MAP7D2: variants seen among roughly 807,000 people sequenced by gnomAD.
MAP7D2 encodes the protein MAP7 domain-containing protein 2.
A neutral mutation model predicts 63.5 loss-of-function variants in MAP7D2; 33 were observed. The observed-to-expected ratio is 0.52, with a 90% CI of 0.39 to 0.70. MAP7D2 has a LOEUF of 0.70. MAP7D2 is among the 30% of genes least tolerant of loss of function. The pLI is 0.00. For missense variants in MAP7D2, 626 were observed against 604.0 expected, an observed-to-expected ratio of 1.04 and a Z score of -0.38; for synonymous variants, 224 against 223.7, an observed-to-expected ratio of 1.00 and a Z score of -0.01.
At chrX:20,023,953 G>C (rs1305359282) in intron 10 of MAP7D2, among the ~76,000 whole-genome samples, 3 of 111,953 alleles carry the variant, frequency 2.7e-5, no homozygotes, top group Non-Finnish European at 5.6e-5. Flanking sequence ...CTACCCCACT[G>C]TCCCTTTTAA....
chrX:20,099,235 ACT>A (rs72039188), intron 1 of MAP7D2, among the ~76,000 whole-genome samples: 4,705 of 93,532 alleles, frequency 0.05, 264 homozygotes, highest in African/African-American at 0.15. Flanking sequence ...GCAAGTTTAT[ACT>A]CTCTCTCTCT....
rs72039188 is a variant in MAP7D2 at position 20,099,235 on chromosome X, A to ACTCT, written c.130+17511_130+17514dup. On this transcript the variant is annotated intron_variant, in intron 1 of 16. Coordinates refer to ENST00000379643, the MANE Select transcript of MAP7D2 (RefSeq NM_001168465.2). Reference sequence around the variant, plus strand: ...GTCCTCTGCCACACTGCAAGTTTATACTCTCTCTCTCTCTCTCTCTCTCTC... The same window carrying ACTCT: ...GTCCTCTGCCACACTGCAAGTTTATACTCTCTCTCTCTCTCTCTCTCTCTCTCTC... Among the ~76,000 whole-genome samples the ACTCT allele has an allele frequency of 1.4e-4, 13 of 93,655 alleles. 1 individual carries two copies. The highest frequency in any genetic ancestry group is 1.7e-4 in the Non-Finnish European group (8 of 47,348). 81.3% of individuals were successfully genotyped at this position (93,655 alleles called of 115,157 possible).
chrX:20,018,803 G>T (rs769769554), intron 10 of MAP7D2, among the ~76,000 whole-genome samples: 2 of 110,796 alleles, frequency 1.8e-5, no homozygotes, highest in African/African-American at 6.6e-5. Context: ...CCTAAAGTAG[G>T]TAAAATTCAA....
chrX:20,014,110 G>A (rs1421342763), intron 12 of MAP7D2, among the ~76,000 whole-genome samples: 2 of 112,387 alleles, frequency 1.8e-5, no homozygotes, highest in African/African-American at 6.5e-5. Flanking sequence ...TTACCCATAA[G>A]TATAGTTAGT....
Position 20,107,528 on chromosome X carries a change from G to A in MAP7D2, c.130+9222C>T, listed in dbSNP as rs1487454202. ...AGAGGTTGCAGTGAGCCAAGATCAC[G>A]CCACCGCACTCCAGCCTGGGGGATA... is the stretch of plus-strand genomic sequence containing the variant. On this transcript the variant is annotated intron_variant, in intron 1 of 16. Coordinates refer to ENST00000379643, the MANE Select transcript of MAP7D2 (RefSeq NM_001168465.2). Among the ~76,000 whole-genome samples, 9 of 111,011 alleles carry A rather than the reference G, an allele frequency of 8.1e-5. No individual in the cohort carries two copies. The East Asian group carries it at 8.4e-4, about 10-fold the overall frequency.
chrX:20,050,836 C>A lies in MAP7D2; in HGVS notation c.706G>T (p.Ala236Ser). 2 of 1,185,138 alleles carry A rather than the reference C, an allele frequency of 1.7e-6. No homozygotes were observed. The highest frequency in any genetic ancestry group is 2.3e-6 in the Non-Finnish European group (2 of 884,567). The change falls in exon 6 of 17, where the codon GCC becomes TCC. Residue 236 changes from alanine (A) to serine (S), a missense_variant. By Grantham distance (99) the Ala-to-Ser change is moderately conservative. Coordinates refer to ENST00000379643, the MANE Select transcript of MAP7D2 (RefSeq NM_001168465.2). ...SRASVMLSGQ[A>S]NDSVFHVCPR... ...TAGCCTCTTTTACCTGAATCATTGG[C>A]CTGCCCAGAGAGCATGACTGAAGCT...
intron 8 of MAP7D2, among the ~76,000 whole-genome samples, chrX:20,026,958 T>C (rs975542938): frequency 1.9e-4 from 21 of 112,475 alleles, no homozygotes; most frequent in African/African-American, 6.8e-4. Flanking sequence ...TATCTGACTT[T>C]TTTGATCTAT....
At chrX:20,044,570 G>A in intron 6 of MAP7D2, 46 bp from the exon 7 acceptor site, 2 of 1,100,970 alleles carry the variant, frequency 1.8e-6, no homozygotes, top group Admixed American at 2.3e-5. Context: ...GAGTACAGAT[G>A]GAAAAAGTAG....
At chrX:20,044,618 T>C in intron 6 of MAP7D2, 94 bp from the exon 7 acceptor site, 4 of 801,027 alleles carry the variant, frequency 5.0e-6, no homozygotes, top group Non-Finnish European at 7.4e-6. Context: ...TGTTAAAATA[T>C]GACCTGGGCA....
chrX:20,016,400 C>T, intron 10 of MAP7D2, 75 bp from the exon 11 acceptor site: 1 of 882,368 alleles, frequency 1.1e-6, no homozygotes, highest in Non-Finnish European at 1.6e-6. Context: ...GTGCTGACAG[C>T]CGAGAATAAT....
chrX:20,106,705 CAAAGA>C (rs2066575791), intron 1 of MAP7D2, among the ~76,000 whole-genome samples: 1 of 112,066 alleles, frequency 8.9e-6, no homozygotes, highest in African/African-American at 3.2e-5. Flanking sequence ...AGACTTGCTG[CAAAGA>C]AAAGAATGTC....
At chrX:20,114,513 A>C (rs1430139205) in intron 1 of MAP7D2, among the ~76,000 whole-genome samples, 1 of 112,910 alleles carries the variant, frequency 8.9e-6, no homozygotes, top group Non-Finnish European at 1.9e-5. Flanking sequence ...AAGCACTAAA[A>C]TGGACAGTAG....
intron 1 of MAP7D2, among the ~76,000 whole-genome samples, chrX:20,074,076 G>C (rs1335416690): frequency 1.9e-5 from 2 of 105,511 alleles, no homozygotes; most frequent in Non-Finnish European, 3.9e-5. Flanking sequence ...CGGAGGCTGC[G>C]GTGAGCCATG....
Position 20,031,737 on chromosome X carries a change from A to C in MAP7D2, c.1008-5785T>G, listed in dbSNP as rs1434827161. Reference sequence around the variant, plus strand: ...AGCCGAGATCACAGCACGGCACTCCAGCATGGGCCACAGAGCAAGAGTCTG... The same window carrying C: ...AGCCGAGATCACAGCACGGCACTCCCGCATGGGCCACAGAGCAAGAGTCTG... On this transcript the variant is annotated intron_variant, in intron 8 of 16. Coordinates refer to ENST00000379643, the MANE Select transcript of MAP7D2 (RefSeq NM_001168465.2). 1.1e-4 allele frequency among the ~76,000 whole-genome samples: 12 copies of C among 112,036 alleles called. No individual in the cohort carries two copies. The Admixed American group carries it at 1.1e-3, about 11-fold the overall frequency.
Position 20,013,632 on chromosome X carries a change from A to T in MAP7D2, c.1750-7T>A. ...TCATGATTTCATCTATTCTCTAAAA[A>T]CAAAAAACAAAAAACAAAATCAAGT... On this transcript the variant is annotated splice_region_variant and splice_polypyrimidine_tract_variant and intron_variant, in intron 12 of 16. Transcript: ENST00000379643. The T allele has an allele frequency of 8.9e-7, 1 of 1,117,563 alleles. No homozygotes were observed. Among genetic ancestry groups the T allele is most frequent in the Non-Finnish European group, 1.2e-6 (1 of 820,313 alleles). 92.1% of individuals were successfully genotyped at this position (1,117,563 alleles called of 1,213,427 possible).
At chrX:20,037,434 C>T (rs778206963) in intron 8 of MAP7D2, among the ~76,000 whole-genome samples, 9 of 111,662 alleles carry the variant, frequency 8.1e-5, no homozygotes, top group Non-Finnish European at 1.3e-4. Context: ...TGGTGGTGGG[C>T]GGTTCCCTAT....
chrX:20,026,582 C>CACAG (rs978930063), intron 8 of MAP7D2, among the ~76,000 whole-genome samples: 1 of 112,144 alleles, frequency 8.9e-6, no homozygotes, highest in Non-Finnish European at 1.9e-5. Context: ...TGCCAAGGAA[C>CACAG]ACAGCCAAGA....
chrX:20,066,229 C>T (rs1048239128), intron 1 of MAP7D2, among the ~76,000 whole-genome samples: 1 of 112,043 alleles, frequency 8.9e-6, no homozygotes, highest in Non-Finnish European at 1.9e-5. Context: ...TTAATATAAC[C>T]AGGTTCACTT....
chrX:20,050,994 A>G, intron 5 of MAP7D2, 48 bp from the exon 6 acceptor site: 2 of 1,021,128 alleles, frequency 2.0e-6, no homozygotes, highest in Non-Finnish European at 2.6e-6. Context: ...AATTAAAACA[A>G]AACAAAATAA....
Sources: allele counts gnomAD v4.1 joint callset (sites outside exome capture counted in the v4.1 genomes callset), GRCh38; gene constraint gnomAD v4.1.1; transcripts MANE v1.5; gene names NCBI Gene and HGNC (gene_info 2026-07-23, HGNC 2026-07-21).